The following CPNE5 variants were observed in gnomAD, a reference collection of about 807,000 sequenced individuals.
The protein encoded by CPNE5 is copine 5.
A neutral mutation model predicts 81.1 loss-of-function variants in CPNE5; 42 were observed. The ratio of observed to expected loss-of-function variants is 0.52; its 90% confidence interval spans 0.40 to 0.67. CPNE5 has a LOEUF of 0.67. CPNE5 is among the 30% of genes least tolerant of loss of function. The pLI is 0.00. For synonymous variants in CPNE5, 313 were observed against 321.5 expected (o/e 0.97, Z 0.28); for missense variants, 612 against 815.5 (o/e 0.75, Z 3.04).
chr6:36,786,768 A>C (rs946329023), intron 8 of CPNE5, among the ~76,000 whole-genome samples: 1 of 152,222 alleles, frequency 6.6e-6, no homozygotes, highest in African/African-American at 2.4e-5. Context: ...ACTGGATACT[A>C]TATTATATCA....
At chr6:36,788,200 TA>T (rs1167535537) in intron 8 of CPNE5, among the ~76,000 whole-genome samples, 3 of 150,482 alleles carry the variant, frequency 2.0e-5, no homozygotes, top group Admixed American at 6.6e-5. Context: ...CCTGCTAATT[TA>T]AAAAAATTTT....
At chr6:36,837,907 T>G (rs1235205768) in intron 1 of CPNE5, among the ~76,000 whole-genome samples, 1 of 151,836 alleles carries the variant, frequency 6.6e-6, no homozygotes, top group Non-Finnish European at 1.5e-5. Context: ...GAGGTGAGAC[T>G]GGAGCTAATG....
intron 6 of CPNE5, among the ~76,000 whole-genome samples, chr6:36,796,014 TCTC>T (rs1769535542): frequency 6.6e-6 from 1 of 152,158 alleles, no homozygotes; most frequent in South Asian, 2.1e-4. Context: ...AGTGGTGTAA[TCTC>T]AGCTCACTGC....
At chr6:36,762,304 G>GCACACA (rs60481458) in intron 12 of CPNE5, among the ~76,000 whole-genome samples, 2,646 of 146,488 alleles carry the variant, frequency 0.018, 69 homozygotes, top group African/African-American at 0.051. Context: ...ACACATACAT[G>GCACACA]CACACACACA....
intron 2 of CPNE5, among the ~76,000 whole-genome samples, chr6:36,822,527 G>T (rs539100551): frequency 6.6e-6 from 1 of 152,172 alleles, no homozygotes; most frequent in African/African-American, 2.4e-5. Context: ...CAGGTAGACG[G>T]GTGGGTGTGA....
chr6:36,742,712 CTG>C (rs761447169), intron 20 of CPNE5: 19 of 985,440 alleles, frequency 1.9e-5, no homozygotes, highest in South Asian at 4.7e-5. Context: ...TCGACAAAAA[CTG>C]AGCCCTATTC....
At position 36,741,326 on chromosome 6, in the gene CPNE5, G is replaced by A. The variant is rs1763574128; in HGVS notation, c.*942C>T. The A allele has an allele frequency of 6.6e-6, 1 of 151,626 alleles. No individual in the cohort carries two copies. Among genetic ancestry groups the A allele is most frequent in the African/African-American group, 2.4e-5 (1 of 41,398 alleles). 9.4% of individuals were successfully genotyped at this position (151,626 alleles called of 1,614,324 possible). On this transcript the variant is annotated 3_prime_UTR_variant, in exon 21 of 21. Coordinates refer to ENST00000244751, the MANE Select transcript of CPNE5 (RefSeq NM_020939.2). ...AAACTGAGGCCCAAAAGGTAGAAGG[G>A]CCTTGCTTGGGTTCCCACATTAGGC...
chr6:36,789,665 G>A (rs181139499), intron 8 of CPNE5, among the ~76,000 whole-genome samples: 8 of 152,308 alleles, frequency 5.3e-5, no homozygotes, highest in Non-Finnish European at 8.8e-5. Context: ...CAGGGCAACC[G>A]AATTCTCTCC....
intron 6 of CPNE5, among the ~76,000 whole-genome samples, chr6:36,797,438 A>G (rs1016496331): frequency 1.6e-4 from 24 of 152,206 alleles, no homozygotes; most frequent in African/African-American, 5.8e-4. Context: ...CGTCCAGAGA[A>G]ATATGGACAC....
Position 36,748,255 on chromosome 6 carries a change from G to C in CPNE5, c.984C>G (p.Asn328Lys). Residue 328 changes from asparagine to lysine, a missense_variant, in exon 15 of 21, where the codon AAC becomes AAG. Transcript: ENST00000244751. ...CAGTGAAATCAATGGCCACAGTGAA[G>C]TTGATCTGGGTCCTAGAAGAGGGAG... ...LDYIKGGTQI[N>K]FTVAIDFTAS... The C allele has an allele frequency of 1.2e-6, 2 of 1,614,178 alleles. No homozygotes were observed. The highest frequency in any genetic ancestry group is 3.3e-4 in the Middle Eastern group (2 of 6,062).
At chr6:36,752,201 C>A (rs2092469703) in intron 14 of CPNE5, among the ~76,000 whole-genome samples, 1 of 152,196 alleles carries the variant, frequency 6.6e-6, no homozygotes, top group Non-Finnish European at 1.5e-5. Flanking sequence ...TTGCTCCTGC[C>A]TGTCTCCTTT....
At chr6:36,802,575 T>C (rs545715770) in intron 3 of CPNE5, among the ~76,000 whole-genome samples, 1 of 150,620 alleles carries the variant, frequency 6.6e-6, no homozygotes, top group South Asian at 2.1e-4. Flanking sequence ...CAAAGCAAAA[T>C]ATTTTAAATG....
Position 36,799,971 on chromosome 6 carries a change from C to A in CPNE5, c.283G>T (p.Asp95Tyr). 2 of 1,611,130 alleles carry A rather than the reference C, an allele frequency of 1.2e-6. No individual in the cohort carries two copies. The highest frequency in any genetic ancestry group is 2.2e-5 in the South Asian group (2 of 90,978). Residue 95 changes from aspartate (D) to tyrosine (Y), a missense_variant, in exon 4 of 21, where the codon GAT (aspartate) becomes TAT (tyrosine). Coordinates refer to ENST00000244751, the MANE Select transcript of CPNE5 (RefSeq NM_020939.2). ...FFEEKQNLRFDLYDVDSKSPD... is the reference protein window; with the variant it reads ...FFEEKQNLRFYLYDVDSKSPD... ...TCAGCACCATCTTCCACTTACAGAT[C>A]AAAACGGAGGTTCTGCTTCTCCTCG...
intron 1 of CPNE5, among the ~76,000 whole-genome samples, chr6:36,833,716 CAG>C (rs1773165604): frequency 6.6e-6 from 1 of 152,168 alleles, no homozygotes; most frequent in Non-Finnish European, 1.5e-5. Context: ...GAGGAGGACT[CAG>C]AGCCTTGGAT....
intron 16 of CPNE5, among the ~76,000 whole-genome samples, chr6:36,745,740 C>G (rs1248235762): frequency 2.0e-5 from 3 of 152,182 alleles, no homozygotes; most frequent in Non-Finnish European, 4.4e-5. Context: ...CTCCCTGTAC[C>G]TGTTCAGAGA....
intron 12 of CPNE5, among the ~76,000 whole-genome samples, chr6:36,759,880 A>G (rs1014503208): frequency 2.0e-5 from 3 of 152,046 alleles, no homozygotes; most frequent in Admixed American, 2.0e-4. Flanking sequence ...GCCAGCTCCT[A>G]GGGGCCTCCA....
At chr6:36,798,994 A>T (rs1237677706) in intron 4 of CPNE5, among the ~76,000 whole-genome samples, 3 of 152,094 alleles carry the variant, frequency 2.0e-5, no homozygotes, top group Non-Finnish European at 4.4e-5. Context: ...CTCAAGAAGG[A>T]GGGAGGCATT....
At chr6:36,792,295 C>A in intron 7 of CPNE5, 199 bp from the exon 8 acceptor site, 1 of 1,493,848 alleles carries the variant, frequency 6.7e-7, no homozygotes, top group Non-Finnish European at 9.0e-7. Context: ...GGACCGGGTC[C>A]CCGAGCCTGG....
At chr6:36,835,421 A>G (rs1325801354) in intron 1 of CPNE5, among the ~76,000 whole-genome samples, 1 of 152,128 alleles carries the variant, frequency 6.6e-6, no homozygotes, top group Non-Finnish European at 1.5e-5. Flanking sequence ...GAGGGTCTTT[A>G]AAGTCACATT....
Sources: gnomAD v4.1 joint callset for allele counts (sites outside exome capture counted in the v4.1 genomes callset) on GRCh38, gnomAD v4.1.1 for gene constraint, MANE v1.5 for transcripts, NCBI Gene and HGNC (gene_info 2026-07-23, HGNC 2026-07-21) for gene names.